GBP7: variants seen among roughly 807,000 people sequenced by gnomAD.
GBP7 encodes guanylate binding protein 7.
In GBP7, 43 loss-of-function variants were observed where a neutral mutation model predicts 61.3. The observed-to-expected ratio is 0.70, with a 90% CI of 0.55 to 0.91. GBP7 has a LOEUF of 0.91. Ranked by LOEUF, GBP7 falls within the 40% of genes least tolerant of loss-of-function variation. GBP7 has a pLI of 0.00. For missense variants in GBP7, 717 were observed against 740.5 expected (o/e 0.97, Z 0.37); for synonymous variants, 267 against 271.0 (o/e 0.99, Z 0.14).
In GBP7 at chr1:89,145,989, A is replaced by G. The variant is rs1570346661; in HGVS notation, c.1365+1578T>C. 2.6e-5 allele frequency among the ~76,000 whole-genome samples: 4 copies of G among 152,302 alleles called. No individual in the cohort carries two copies. The South Asian group carries it at 6.2e-4, about 24-fold the overall frequency. On this transcript the variant is annotated intron_variant, in intron 8 of 10. Transcript: ENST00000294671. ...AAACCAATTATAAAATTCATATGGA[A>G]CCATAAAAGACCCCAAATAGCCAAA...
intron 10 of GBP7, 22 bp from the exon 11 acceptor site, chr1:89,132,425 C>A: frequency 6.4e-7 from 1 of 1,550,436 alleles, no homozygotes; most frequent in Non-Finnish European, 8.7e-7. Context: ...AAAGAGCCTA[C>A]TTTTGAAAAT....
chr1:89,132,226 G>T lies in GBP7; in HGVS notation c.1840C>A (p.Leu614Ile). The T allele has an allele frequency of 2.5e-6, 4 of 1,613,242 alleles. No homozygotes were observed. Among genetic ancestry groups the T allele is most frequent in the Non-Finnish European group, 3.4e-6 (4 of 1,179,302 alleles). ...AGAATTTTCATTCCTAAATCAACTA[G>T]CTTAGCAGCCCCAGGTAGTGCTGCA... is the stretch of plus-strand genomic sequence containing the variant. ...FIAALPGAAK[L>I]VDLGMKILSS... The change falls in exon 11 of 11, where the codon CTA becomes ATA. Residue 614 changes from leucine (L) to isoleucine (I), a missense_variant. By Grantham distance (5) the Leu-to-Ile change is conservative. Transcript: ENST00000294671.
Position 89,166,317 on chromosome 1 carries a change from GA to G in GBP7, c.191-1460del, listed in dbSNP as rs144195976. Among the ~76,000 whole-genome samples, 1,321 of 152,286 alleles carry G rather than the reference GA, an allele frequency of 8.7e-3. 24 individuals carry two copies. The highest frequency in any genetic ancestry group is 0.031 in the African/African-American group (1,270 of 41,556). On this transcript the variant is annotated intron_variant, in intron 2 of 10. Coordinates refer to ENST00000294671, the MANE Select transcript of GBP7 (RefSeq NM_207398.3). The stretch of plus-strand genomic sequence containing the variant: ...CCAAATAGAGGAGATTCTGACATGG[GA>G]AGGACAGTATAAAGCATCCACTCTA...
intron 4 of GBP7, 56 bp downstream of exon 4, chr1:89,152,612 A>G (rs1682229137): frequency 6.5e-7 from 1 of 1,545,996 alleles, no homozygotes; most frequent in Non-Finnish European, 8.9e-7. Flanking sequence ...ACACAGTATC[A>G]GTTTCCATTC....
At chr1:89,164,217 T>A (rs552837926) in intron 3 of GBP7, among the ~76,000 whole-genome samples, 37 of 152,152 alleles carry the variant, frequency 2.4e-4, no homozygotes, top group Admixed American at 7.9e-4. Context: ...TCAGTGAAAC[T>A]CTATTTTCCT....
In GBP7 at chr1:89,141,580, G is replaced by A; in HGVS notation, c.1434C>T (p.Asp478=). 1.2e-6 allele frequency: 2 copies of A among 1,613,880 alleles called. No homozygotes were observed. Among genetic ancestry groups the A allele is most frequent in the Non-Finnish European group, 1.7e-6 (2 of 1,179,838 alleles). ...VVIEESILQS[D]KALTAGEKAI... ...CCTTCTCTCCAGCAGTGAGGGCTTT[G>A]TCTGACTGCAGGATGGATTCCTCTA... The change falls in exon 9 of 11, where the codon GAC becomes GAT. Residue 478 remains aspartate (D), a synonymous_variant. Coordinates refer to ENST00000294671, the MANE Select transcript of GBP7 (RefSeq NM_207398.3).
intron 3 of GBP7, among the ~76,000 whole-genome samples, chr1:89,158,563 A>G (rs1682366205): frequency 6.6e-6 from 1 of 152,210 alleles, no homozygotes; most frequent in South Asian, 2.1e-4. Flanking sequence ...TTATACACCA[A>G]TAACAGACAA....
intron 7 of GBP7, 52 bp from the exon 8 acceptor site, chr1:89,147,831 G>T (rs1330135694): frequency 1.3e-6 from 2 of 1,576,716 alleles, no homozygotes; most frequent in Non-Finnish European, 1.7e-6. Context: ...TAGAAGGGAA[G>T]GTCCAACTGT....
intron 2 of GBP7, among the ~76,000 whole-genome samples, chr1:89,166,643 T>C (rs1328683312): frequency 1.3e-5 from 2 of 152,206 alleles, no homozygotes; most frequent in Non-Finnish European, 2.9e-5. Context: ...AATGCCAAAC[T>C]TGAATGAAAT....
At chr1:89,144,644 G>A (rs868833516) in intron 8 of GBP7, among the ~76,000 whole-genome samples, 1 of 152,142 alleles carries the variant, frequency 6.6e-6, no homozygotes, top group Non-Finnish European at 1.5e-5. Flanking sequence ...AAGAGGAACA[G>A]CATGATATTT....
At chr1:89,164,901 C>T (rs374995218) in intron 2 of GBP7, 43 bp from the exon 3 acceptor site, 23 of 1,607,526 alleles carry the variant, frequency 1.4e-5, no homozygotes, top group Non-Finnish European at 1.9e-5. Flanking sequence ...ACAGCAGAAT[C>T]CAGGCAGACA....
intron 9 of GBP7, among the ~76,000 whole-genome samples, chr1:89,140,255 A>G (rs1329883712): frequency 7.4e-6 from 1 of 135,574 alleles, no homozygotes; most frequent in Non-Finnish European, 1.5e-5. Context: ...ACACATGGAC[A>G]CAGGAACAGG....
intron 3 of GBP7, among the ~76,000 whole-genome samples, chr1:89,156,832 G>T (rs1347039064): frequency 6.6e-6 from 1 of 152,170 alleles, no homozygotes; most frequent in Non-Finnish European, 1.5e-5. Flanking sequence ...TCCAGTAATT[G>T]AACTCAGCTC....
chr1:89,149,449 T>A lies in GBP7; in HGVS notation c.995A>T (p.Asn332Ile). 6.2e-7 allele frequency: 1 copy of A among 1,614,156 alleles called. No homozygotes were observed. The highest frequency in any genetic ancestry group is 1.1e-5 in the South Asian group (1 of 91,084). Residue 332 changes from asparagine to isoleucine, a missense_variant, in exon 7 of 11, where the codon AAC (asparagine) becomes ATC (isoleucine). This residue lies in a region of GBP7 where 18 missense variants were observed against 45.2 expected (regional missense o/e 0.40). Coordinates refer to ENST00000294671, the MANE Select transcript of GBP7 (RefSeq NM_207398.3). ...ENSAAVQRAA[N>I]HYSQQMAQQV... Reference sequence around the variant, plus strand: ...CTGGGCCATCTGCTGGCTGTAGTGGTTGGCTGCCCTCTGCACGGCTGCTGA... The same window carrying A: ...CTGGGCCATCTGCTGGCTGTAGTGGATGGCTGCCCTCTGCACGGCTGCTGA...
chr1:89,148,664 T>A (rs974808288), intron 7 of GBP7, among the ~76,000 whole-genome samples: 1 of 152,012 alleles, frequency 6.6e-6, no homozygotes, highest in African/African-American at 2.4e-5. Flanking sequence ...TGGAGAGAGG[T>A]TCCCCTGAGC....
intron 8 of GBP7, among the ~76,000 whole-genome samples, 158 bp from the exon 9 acceptor site, chr1:89,141,806 A>G (rs928329624): frequency 6.6e-6 from 1 of 152,182 alleles, no homozygotes; most frequent in African/African-American, 2.4e-5. Flanking sequence ...GCCACAATAA[A>G]AAGTCCAAGC....
intron 3 of GBP7, among the ~76,000 whole-genome samples, chr1:89,153,583 G>A (rs1682250934): frequency 6.6e-6 from 1 of 152,188 alleles, no homozygotes; most frequent in South Asian, 2.1e-4. Context: ...TGTACAAAAT[G>A]CAGATGCTGC....
At chr1:89,152,200 T>A in intron 5 of GBP7, 68 bp downstream of exon 5, 1 of 1,413,672 alleles carries the variant, frequency 7.1e-7, no homozygotes, top group Non-Finnish European at 9.8e-7. Flanking sequence ...TGTCAGGTGT[T>A]GAACGGTAGG....
chr1:89,166,276 G>A (rs908320680), intron 2 of GBP7, among the ~76,000 whole-genome samples: 5 of 152,154 alleles, frequency 3.3e-5, no homozygotes, highest in East Asian at 3.9e-4. Flanking sequence ...CAGGTCCCAC[G>A]TTAACAGAAG....
Sources: gnomAD v4.1 joint callset for allele counts (sites outside exome capture counted in the v4.1 genomes callset) on GRCh38, gnomAD v4.1.1 for gene constraint, gnomAD v4.1.1 regional missense constraint, MANE v1.5 for transcripts, NCBI Gene and HGNC (gene_info 2026-07-23, HGNC 2026-07-21) for gene names.